Variants in CDH20 observed in about 807,000 individuals in gnomAD.
CDH20 encodes cadherin-20.
CDH20 carries 29 observed loss-of-function variants against 74.2 expected under a neutral mutation model. That is an observed-to-expected ratio of 0.39 (90% CI 0.29 to 0.53). The LOEUF (loss-of-function observed/expected upper bound fraction) is 0.53, where lower values mean the gene tolerates loss of function less well. Among genes scored for constraint, CDH20 ranks in the 20% least tolerant of loss-of-function variants. CDH20 has a pLI of 0.69. For synonymous variants in CDH20, 469 were observed against 405.4 expected (o/e 1.16, Z -1.88); for missense variants, 988 against 1,048.3 (o/e 0.94, Z 0.79).
chr18:61,364,274 G>C (rs117816951), intron 1 of CDH20, among the ~76,000 whole-genome samples: 1 of 152,058 alleles, frequency 6.6e-6, no homozygotes, highest in Non-Finnish European at 1.5e-5. Flanking sequence ...ATAGATTAGC[G>C]TCCTCCATAG....
At chr18:61,507,040 A>C (rs1170209203) in intron 5 of CDH20, among the ~76,000 whole-genome samples, 1 of 152,210 alleles carries the variant, frequency 6.6e-6, no homozygotes, top group Non-Finnish European at 1.5e-5. Flanking sequence ...ATTTAAGGAA[A>C]TACTTCAGTT....
intron 1 of CDH20, among the ~76,000 whole-genome samples, chr18:61,385,509 T>C (rs898497419): frequency 6.0e-5 from 9 of 150,536 alleles, no homozygotes; most frequent in African/African-American, 1.7e-4. Context: ...ACAGTAAAAA[T>C]ATGTAATATC....
Position 61,528,067 on chromosome 18 carries a change from C to A in CDH20, c.1118C>A (p.Thr373Lys), listed in dbSNP as rs1301374157. ...CTGAACTTGGGCCCATTTCAGGACA[C>A]AACAACAGTGCACATCAGTGTGGAA... Reference protein sequence around the residue: ...RFLNLGPFQDTTTVHISVEDV... With the variant: ...RFLNLGPFQDKTTVHISVEDV... Residue 373 changes from threonine to lysine, a missense_variant, in exon 7 of 12, where the codon ACA (threonine) becomes AAA (lysine). This residue lies in a region of CDH20 where 613 missense variants were observed against 755.2 expected (regional missense o/e 0.81). Transcript: ENST00000262717. 2 of 1,614,164 alleles carry A rather than the reference C, an allele frequency of 1.2e-6. No individual in the cohort carries two copies. The highest frequency in any genetic ancestry group is 4.5e-5 in the East Asian group (2 of 44,890).
intron 1 of CDH20, chr18:61,405,031 C>T: frequency 1.4e-6 from 1 of 692,752 alleles, no homozygotes; most frequent in Non-Finnish European, 2.7e-6. Context: ...TACTCCATTT[C>T]TGATTTCTTC....
intron 1 of CDH20, among the ~76,000 whole-genome samples, chr18:61,387,691 T>G (rs1262672510): frequency 1.3e-5 from 2 of 152,198 alleles, no homozygotes; most frequent in Non-Finnish European, 2.9e-5. Context: ...TACATAGACA[T>G]CATTATATGT....
chr18:61,454,300 A>G (rs1357908228), intron 1 of CDH20, among the ~76,000 whole-genome samples: 1 of 152,188 alleles, frequency 6.6e-6, no homozygotes, highest in East Asian at 1.9e-4. Flanking sequence ...ACCTTAACAC[A>G]GACAGTAGAG....
chr18:61,493,759 T>C (rs1911040453), intron 2 of CDH20, among the ~76,000 whole-genome samples: 2 of 152,240 alleles, frequency 1.3e-5, no homozygotes, highest in Non-Finnish European at 1.5e-5. Context: ...CATATCTATA[T>C]AACATTTCTT....
Position 61,554,486 on chromosome 18 carries a change from G to T in CDH20, c.2197G>T (p.Ala733Ser), listed in dbSNP as rs372187349. ...CTACGTGCTGGCCAAGCTCTACGAG[G>T]CCGACATGGACCTGTGGGCACCGCC... The part of the protein sequence containing the change: ...HSYVLAKLYE[A>S]DMDLWAPPFD... The change falls in exon 12 of 12, where the codon GCC becomes TCC. Residue 733 changes from alanine (A) to serine (S), a missense_variant. Physicochemically the swap from Ala to Ser is moderately conservative, Grantham distance 99 (BLOSUM62 1). Around this residue, in one of 2 missense-constraint regions of CDH20, gnomAD observed 375 missense variants for 293.1 expected, o/e 1.28. Coordinates refer to ENST00000262717, the MANE Select transcript of CDH20 (RefSeq NM_031891.4). 2.5e-6 allele frequency: 4 copies of T among 1,612,828 alleles called. No homozygotes were observed. Among genetic ancestry groups the T allele is most frequent in the South Asian group, 2.2e-5 (2 of 90,940 alleles).
intron 1 of CDH20, among the ~76,000 whole-genome samples, chr18:61,411,598 ATATATATATATATATATATATG>A (rs1250106392): frequency 5.2e-5 from 3 of 57,624 alleles, no homozygotes; most frequent in South Asian, 4.4e-4. Context: ...ATATATATAT[ATATATATATATATATATATATG>A]TGAGATATGT....
intron 1 of CDH20, among the ~76,000 whole-genome samples, chr18:61,489,384 A>G (rs1163669050): frequency 6.6e-6 from 1 of 152,134 alleles, no homozygotes; most frequent in Non-Finnish European, 1.5e-5. Context: ...CTCAGATGAC[A>G]GCAGTTCTTC....
At chr18:61,453,022 G>T (rs1376623344) in intron 1 of CDH20, among the ~76,000 whole-genome samples, 1 of 152,066 alleles carries the variant, frequency 6.6e-6, no homozygotes, top group East Asian at 1.9e-4. Flanking sequence ...TTTACCCCGT[G>T]CACCCCACTG....
chr18:61,471,872 A>T (rs538253077), intron 1 of CDH20, among the ~76,000 whole-genome samples: 1 of 152,330 alleles, frequency 6.6e-6, no homozygotes, highest in African/African-American at 2.4e-5. Flanking sequence ...CTTACTGGAA[A>T]CACTAAGTAA....
chr18:61,395,639 T>C (rs1911938128), intron 1 of CDH20, among the ~76,000 whole-genome samples: 1 of 152,224 alleles, frequency 6.6e-6, no homozygotes, highest in Admixed American at 6.5e-5. Context: ...CATACTCCAA[T>C]CACAGATGTT....
Position 61,499,213 on chromosome 18 carries a change from G to A in CDH20, c.274G>A (p.Gly92Arg), listed in dbSNP as rs1246582371. 1.0e-5 allele frequency: 16 copies of A among 1,599,688 alleles called. No individual in the cohort carries two copies. Among genetic ancestry groups the A allele is most frequent in the Admixed American group, 1.7e-5 (1 of 58,862 alleles). ...KLHSDMDRGD[G>R]SIKYILSGEG... ...TCATTCAGATATGGACAGGGGAGACGGATCCATCAAATACATCCTCTCGGG... is the reference window on the plus strand; with the variant it reads ...TCATTCAGATATGGACAGGGGAGACAGATCCATCAAATACATCCTCTCGGG... Residue 92 changes from glycine to arginine, a missense_variant, in exon 3 of 12, where the codon GGA (glycine) becomes AGA (arginine). Gly to Arg is a moderately radical substitution (Grantham distance 125, BLOSUM62 -2). This residue lies in a region of CDH20 where 613 missense variants were observed against 755.2 expected (regional missense o/e 0.81). Transcript: ENST00000262717.
chr18:61,393,872 A>G (rs887734966), intron 1 of CDH20, among the ~76,000 whole-genome samples: 1 of 152,206 alleles, frequency 6.6e-6, no homozygotes, highest in Non-Finnish European at 1.5e-5. Context: ...GCTTATTTCC[A>G]GTTGGCAGAC....
intron 1 of CDH20, among the ~76,000 whole-genome samples, chr18:61,441,711 T>G (rs957860449): frequency 6.6e-5 from 10 of 152,188 alleles, no homozygotes; most frequent in Admixed American, 3.9e-4. Context: ...CTTTCAACAT[T>G]TTTATATTGT....
At chr18:61,450,256 G>C (rs916626088) in intron 1 of CDH20, among the ~76,000 whole-genome samples, 2 of 151,892 alleles carry the variant, frequency 1.3e-5, no homozygotes, top group Non-Finnish European at 2.9e-5. Flanking sequence ...TCATCAGTGA[G>C]AGAGTAAATA....
chr18:61,335,826 G>A (rs1036352019), intron 1 of CDH20, among the ~76,000 whole-genome samples: 3 of 152,220 alleles, frequency 2.0e-5, no homozygotes, highest in African/African-American at 7.2e-5. Flanking sequence ...TAGCATGTGT[G>A]CCATGTGGCA....
intron 1 of CDH20, among the ~76,000 whole-genome samples, chr18:61,338,701 T>G (rs1200310886): frequency 1.3e-5 from 2 of 152,158 alleles, no homozygotes; most frequent in Non-Finnish European, 2.9e-5. Context: ...TAAAATACCA[T>G]GCAAAAGTGC....
Sources: gnomAD v4.1 joint callset for allele counts (sites outside exome capture counted in the v4.1 genomes callset) on GRCh38, gnomAD v4.1.1 for gene constraint, gnomAD v4.1.1 regional missense constraint, MANE v1.5 for transcripts, NCBI Gene and HGNC (gene_info 2026-07-23, HGNC 2026-07-21) for gene names.